The following CTCF variants were observed in gnomAD, a reference collection of about 807,000 sequenced individuals.
CTCF encodes the protein CCCTC-binding factor, also known as transcriptional repressor CTCF.
Under a neutral mutation model 72.3 loss-of-function variants are expected in CTCF, and 7 were observed. The observed-to-expected ratio is 0.10, with a 90% CI of 0.06 to 0.18. The LOEUF (loss-of-function observed/expected upper bound fraction) is 0.18, where lower values mean the gene tolerates loss of function less well. Among genes scored for constraint, CTCF ranks in the 10% least tolerant of loss-of-function variants. The pLI is 1.00. For synonymous variants in CTCF, 374 were observed against 315.8 expected (o/e 1.18, Z -1.95); for missense variants, 516 against 949.1 (o/e 0.54, Z 6.00).
rs150397110 is a variant in CTCF, at chr16:67,613,708, A to G, written c.952+1587A>G. Among the ~76,000 whole-genome samples the G allele has an allele frequency of 2.6e-5, 4 of 152,256 alleles. No individual in the cohort carries two copies. In the East Asian group the frequency reaches 7.7e-4, roughly 29 times the overall value. ...GGAGAATCACTTGAATGCGGGAGACAGAGGTTGCAGTAAGCCAAGATTGTG... is the reference window on the plus strand; with the variant it reads ...GGAGAATCACTTGAATGCGGGAGACGGAGGTTGCAGTAAGCCAAGATTGTG... On this transcript the variant is annotated intron_variant, in intron 4 of 11. Coordinates refer to ENST00000264010, the MANE Select transcript of CTCF (RefSeq NM_006565.4).
intron 2 of CTCF, among the ~76,000 whole-genome samples, chr16:67,573,244 C>G (rs1323111150): frequency 6.6e-6 from 1 of 150,886 alleles, no homozygotes; most frequent in Non-Finnish European, 1.5e-5. Flanking sequence ...GAGACTCTGT[C>G]TCAAAAAAAC....
intron 10 of CTCF, among the ~76,000 whole-genome samples, chr16:67,635,335 G>A (rs918620835): frequency 6.7e-6 from 1 of 148,598 alleles, no homozygotes; most frequent in Non-Finnish European, 1.5e-5. Context: ...TTGTTTTTTT[G>A]TTTTTTTTAA....
At chr16:67,631,152 TTG>T (rs1457821144) in intron 10 of CTCF, among the ~76,000 whole-genome samples, 6 of 144,278 alleles carry the variant, frequency 4.2e-5, no homozygotes, top group Middle Eastern at 3.2e-3. Flanking sequence ...TGTTCTTTGT[TTG>T]TTTTTTTTTT....
intron 4 of CTCF, chr16:67,614,885 C>G (rs2052111495): frequency 6.6e-6 from 1 of 151,986 alleles, no homozygotes; most frequent in African/African-American, 2.4e-5. Context: ...GCCTGTAATC[C>G]CAGCACTTCG....
At position 67,579,254 on chromosome 16, in the gene CTCF, AAAAT is replaced by A. The variant is rs575612423; in HGVS notation, c.-10+8005_-10+8008del. On this transcript the variant is annotated intron_variant, in intron 2 of 11. Coordinates refer to ENST00000264010, the MANE Select transcript of CTCF (RefSeq NM_006565.4). Reference sequence around the variant, plus strand: ...GGCAACAAGAGTGAAACTCCGTCTCAAAATAAATAAATAAATAATAAAAATAAAA... The same window carrying A: ...GGCAACAAGAGTGAAACTCCGTCTCAAAATAAATAAATAATAAAAATAAAA... 6.1e-4 allele frequency among the ~76,000 whole-genome samples: 93 copies of A among 152,222 alleles called. 1 individual carries two copies. The highest frequency in any genetic ancestry group is 2.1e-3 in the African/African-American group (87 of 41,572).
chr16:67,623,331 T>C (rs893684485), intron 7 of CTCF: 1 of 152,062 alleles, frequency 6.6e-6, no homozygotes, highest in African/African-American at 2.4e-5. Flanking sequence ...AAATGACTTC[T>C]CTTCCTACTT....
At chr16:67,632,901 G>A (rs2052383782) in intron 10 of CTCF, among the ~76,000 whole-genome samples, 1 of 152,200 alleles carries the variant, frequency 6.6e-6, no homozygotes, top group African/African-American at 2.4e-5. Context: ...GAGAGTGCAT[G>A]TTAATAACCC....
chr16:67,587,384 A>G (rs2051682838), intron 2 of CTCF, among the ~76,000 whole-genome samples: 1 of 152,106 alleles, frequency 6.6e-6, no homozygotes, highest in Non-Finnish European at 1.5e-5. Context: ...TGTTAACTTT[A>G]CAGGACAACC....
intron 2 of CTCF, among the ~76,000 whole-genome samples, chr16:67,586,966 G>T (rs1446648721): frequency 6.6e-6 from 1 of 151,816 alleles, no homozygotes; most frequent in African/African-American, 2.4e-5. Context: ...ACTAGTTTTT[G>T]TATCTTTTTG....
rs893346464 is a variant in CTCF, at chr16:67,628,975, C to T, written c.1701+423C>T. On this transcript the variant is annotated intron_variant, in intron 9 of 11. Transcript: ENST00000264010. ...GCTGAGGCAGGAGGATGGCGTGTAC[C>T]CGGGAGGCAGAGCTTGCAGTGATCC... Among the ~76,000 whole-genome samples the T allele has an allele frequency of 2.6e-5, 4 of 152,100 alleles. No individual in the cohort carries two copies. The South Asian group carries it at 6.2e-4, about 24-fold the overall frequency.
intron 10 of CTCF, among the ~76,000 whole-genome samples, chr16:67,633,781 G>GACACACACACACAC (rs10587869): frequency 1.0e-4 from 15 of 143,200 alleles, no homozygotes; most frequent in African/African-American, 3.3e-4. Context: ...CTTGTCCCCT[G>GACACACACACACAC]ACACACACAC....
At chr16:67,564,985 T>TA (rs1205555149) in intron 1 of CTCF, among the ~76,000 whole-genome samples, 2 of 152,128 alleles carry the variant, frequency 1.3e-5, no homozygotes, top group African/African-American at 4.8e-5. Context: ...GATGAATTGA[T>TA]ATGTTAGGGT....
intron 2 of CTCF, among the ~76,000 whole-genome samples, chr16:67,584,986 A>G (rs780691190): frequency 3.3e-5 from 5 of 152,190 alleles, no homozygotes; most frequent in African/African-American, 1.2e-4. Flanking sequence ...ATGTCTAGAA[A>G]AACAATGTAG....
intron 2 of CTCF, among the ~76,000 whole-genome samples, chr16:67,604,665 C>T (rs1036693765): frequency 6.0e-5 from 9 of 151,146 alleles, no homozygotes; most frequent in Non-Finnish European, 8.8e-5. Context: ...TTGATGAAAC[C>T]TTGAAATGAT....
chr16:67,570,201 T>C (rs935977744), intron 1 of CTCF, among the ~76,000 whole-genome samples: 1 of 149,388 alleles, frequency 6.7e-6, no homozygotes, highest in Non-Finnish European at 1.5e-5. Context: ...CTCAGTCTCC[T>C]GAGTAGCTGG....
intron 1 of CTCF, among the ~76,000 whole-genome samples, chr16:67,565,996 T>C (rs1567588049): frequency 1.3e-5 from 2 of 152,230 alleles, no homozygotes; most frequent in African/African-American, 4.8e-5. Flanking sequence ...ATGCTGCTGC[T>C]GTCACAGCCA....
intron 4 of CTCF, among the ~76,000 whole-genome samples, chr16:67,613,177 C>T (rs2052083771): frequency 6.6e-6 from 1 of 152,210 alleles, no homozygotes; most frequent in Admixed American, 6.5e-5. Context: ...CTTTCCTGAG[C>T]TATTTGTTAT....
At chr16:67,581,750 A>G (rs1374224733) in intron 2 of CTCF, among the ~76,000 whole-genome samples, 2 of 151,526 alleles carry the variant, frequency 1.3e-5, no homozygotes, top group Admixed American at 1.3e-4. Context: ...TGATCCACCC[A>G]CCTCGGCCTC....
At chr16:67,627,482 C>G (rs1165972946) in intron 8 of CTCF, 1 of 151,020 alleles carries the variant, frequency 6.6e-6, no homozygotes, top group Non-Finnish European at 1.5e-5. Context: ...CAGAGCGAGA[C>G]TCTGTCTCCA....
Sources: allele counts gnomAD v4.1 joint callset (sites outside exome capture counted in the v4.1 genomes callset), GRCh38; gene constraint gnomAD v4.1.1; transcripts MANE v1.5; gene names NCBI Gene and HGNC (gene_info 2026-07-23, HGNC 2026-07-21).